The following BLTP1 variants were observed in gnomAD, a reference collection of about 807,000 sequenced individuals.
BLTP1 encodes bridge-like lipid transfer protein family member 1.
At chr4:122,153,050 G>T in the BLTP1 span, 1 of 984,970 alleles carries the variant, frequency 1.0e-6, no homozygotes, top group South Asian at 4.7e-5. Flanking sequence ...TTCTGAATTG[G>T]TGCTTGCTGC....
At chr4:122,164,695 A>G in the BLTP1 span, among the ~76,000 whole-genome samples, 1 of 152,102 alleles carries the variant, frequency 6.6e-6, no homozygotes, top group Non-Finnish European at 1.5e-5. Context: ...ATTTGATTAT[A>G]TTGGTATGGA....
the BLTP1 span, chr4:122,263,737 T>C: frequency 1.8e-6 from 1 of 558,804 alleles, no homozygotes; most frequent in East Asian, 3.0e-5. Flanking sequence ...TTAAATGCCT[T>C]TGATAATATT....
At chr4:122,170,618 T>G in the BLTP1 span, 8 of 1,538,040 alleles carry the variant, frequency 5.2e-6, no homozygotes, top group South Asian at 1.3e-5. Context: ...CTTTTAGGCC[T>G]TTAGATGTTG....
chr4:122,305,210 C>T, the BLTP1 span: 1 of 983,384 alleles, frequency 1.0e-6, no homozygotes, highest in African/African-American at 1.7e-5. Context: ...AAACTTAATC[C>T]AGTATCTTCG....
At chr4:122,295,513 TAC>T in the BLTP1 span, among the ~76,000 whole-genome samples, 27 of 152,050 alleles carry the variant, frequency 1.8e-4, no homozygotes, top group Non-Finnish European at 4.0e-4. Context: ...TGGCCAGATG[TAC>T]AAAGAAGAGC....
the BLTP1 span, chr4:122,353,915 G>T: frequency 6.2e-7 from 1 of 1,613,868 alleles, no homozygotes. The surrounding 1 kb of genome is among the most constrained non-coding windows in gnomAD (Gnocchi z 4.3). Context: ...AAGTCCTATG[G>T]CAACAATAAC....
At chr4:122,165,228 G>A in the BLTP1 span, among the ~76,000 whole-genome samples, 5 of 151,546 alleles carry the variant, frequency 3.3e-5, no homozygotes, top group South Asian at 2.1e-4. Context: ...CCTCTCCCCC[G>A]CACCCTATGA....
chr4:122,239,874 G>T, the BLTP1 span: 1 of 1,614,048 alleles, frequency 6.2e-7, no homozygotes, highest in Non-Finnish European at 8.5e-7. Flanking sequence ...CTTTTCTGCT[G>T]CTGAGGAATT....
the BLTP1 span, chr4:122,310,848 T>TA: frequency 5.9e-6 from 3 of 511,048 alleles, no homozygotes; most frequent in Non-Finnish European, 7.6e-6. Context: ...TACCAGTACT[T>TA]ATTTGAAATA....
At chr4:122,332,517 C>T in the BLTP1 span, among the ~76,000 whole-genome samples, 1 of 151,804 alleles carries the variant, frequency 6.6e-6, no homozygotes, top group South Asian at 2.1e-4. Context: ...ACAACATTTA[C>T]ATCACTCATG....
chr4:122,323,789 TTAAAAA>T, the BLTP1 span, among the ~76,000 whole-genome samples: 2 of 152,078 alleles, frequency 1.3e-5, no homozygotes, highest in African/African-American at 4.8e-5. Flanking sequence ...TAATTGACTG[TTAAAAA>T]TAAAACTAGA....
chr4:122,225,444 A>C, the BLTP1 span: 1 of 152,162 alleles, frequency 6.6e-6, no homozygotes, highest in Non-Finnish European at 1.5e-5. Context: ...ATTTCAAAAG[A>C]CTGGAATTTG....
At chr4:122,272,103 T>A in the BLTP1 span, 1 of 1,563,466 alleles carries the variant, frequency 6.4e-7, no homozygotes, top group Non-Finnish European at 8.7e-7. Context: ...GTTTGGAATG[T>A]CCTTCCATTT....
At chr4:122,336,878 C>G in the BLTP1 span, 1 of 1,589,010 alleles carries the variant, frequency 6.3e-7, no homozygotes, top group Non-Finnish European at 8.5e-7. Flanking sequence ...ATATTTTAAA[C>G]AGCTGTCAGC....
the BLTP1 span, chr4:122,250,524 G>A: frequency 5.6e-6 from 9 of 1,613,600 alleles, no homozygotes; most frequent in South Asian, 2.2e-5. Flanking sequence ...CCATGTGACC[G>A]GACAAGCCCT....
At chr4:122,155,070 C>T in the BLTP1 span, 3 of 339,518 alleles carry the variant, frequency 8.8e-6, no homozygotes, top group Non-Finnish European at 1.3e-5. Context: ...GACATCCAGG[C>T]TTCTGGTAAT....
chr4:122,350,050 C>T, the BLTP1 span: 9 of 1,613,540 alleles, frequency 5.6e-6, no homozygotes, highest in African/African-American at 9.3e-5. Flanking sequence ...GACTAGCAAC[C>T]TAGAAAAAAG....
chr4:122,306,384 T>G, the BLTP1 span, among the ~76,000 whole-genome samples: 6 of 152,264 alleles, frequency 3.9e-5, no homozygotes, highest in African/African-American at 1.4e-4. Flanking sequence ...TATCAGGTAC[T>G]GCCTAGAAGT....
At chr4:122,349,403 T>A in the BLTP1 span, 1 of 1,559,538 alleles carries the variant, frequency 6.4e-7, no homozygotes, top group Non-Finnish European at 8.7e-7. The surrounding 1 kb of genome is among the most constrained non-coding windows in gnomAD (Gnocchi z 4.5). Flanking sequence ...CTCATGAGTT[T>A]TTCCCATGGA....
Sources: gnomAD v4.1 joint callset for allele counts (sites outside exome capture counted in the v4.1 genomes callset) on GRCh38, gnomAD v4.1.1 for gene constraint, Gnocchi (gnomAD v3.1) non-coding constraint, MANE v1.5 for transcripts, NCBI Gene and HGNC (gene_info 2026-07-23, HGNC 2026-07-21) for gene names.